MAGI2: variants seen among roughly 807,000 people sequenced by gnomAD.
The protein encoded by MAGI2 is membrane associated guanylate kinase, WW and PDZ domain containing 2, also known as membrane-associated guanylate kinase, WW and PDZ domain-containing protein 2.
Under a neutral mutation model 133.3 loss-of-function variants are expected in MAGI2, and 35 were observed. The observed-to-expected ratio is 0.26, with a 90% CI of 0.20 to 0.35. MAGI2 has a LOEUF of 0.35. MAGI2 is among the 10% of genes least tolerant of loss of function. The pLI, the probability that MAGI2 is intolerant of heterozygous loss-of-function variation, is 1.00. For missense variants in MAGI2, 1,636 were observed against 1,863.4 expected, an observed-to-expected ratio of 0.88 and a Z score of 2.25; for synonymous variants, 729 against 710.6, an observed-to-expected ratio of 1.03 and a Z score of -0.41.
intron 1 of MAGI2, among the ~76,000 whole-genome samples, chr7:79,447,668 C>G (rs981581564): frequency 4.0e-5 from 6 of 151,558 alleles, no homozygotes; most frequent in African/African-American, 7.3e-5. Context: ...TTTAATAGTA[C>G]TATAGTACGT....
At chr7:78,889,436 G>C (rs1433536296) in intron 2 of MAGI2, among the ~76,000 whole-genome samples, 4 of 152,118 alleles carry the variant, frequency 2.6e-5, no homozygotes, top group African/African-American at 4.8e-5. Flanking sequence ...GTCAGATTCA[G>C]CAAAGTTGAA....
intron 5 of MAGI2, 98 bp from the exon 6 acceptor site, chr7:78,489,938 A>C: frequency 1.2e-6 from 1 of 826,050 alleles, no homozygotes. Context: ...ACAAAATTGC[A>C]ATCGATACAC....
chr7:79,228,134 A>T (rs374567211), intron 1 of MAGI2, among the ~76,000 whole-genome samples: 1 of 151,940 alleles, frequency 6.6e-6, no homozygotes, highest in Middle Eastern at 3.2e-3. Context: ...ACTTGAGGCC[A>T]GGAGTTCAAG....
At chr7:78,093,136 CAAAAAAAA>C (rs1157039018) in intron 20 of MAGI2, among the ~76,000 whole-genome samples, 3 of 32,322 alleles carry the variant, frequency 9.3e-5, no homozygotes, top group South Asian at 1.7e-3. Flanking sequence ...ACTCCTTCTC[CAAAAAAAA>C]AAAAAAAAAA....
At position 78,336,272 on chromosome 7, in the gene MAGI2, G is replaced by C. The variant is rs141246913; in HGVS notation, c.1408+7506C>G. Among the ~76,000 whole-genome samples the C allele has an allele frequency of 1.2e-4, 18 of 152,264 alleles. 1 individual carries two copies. The East Asian group carries it at 3.3e-3, about 28-fold the overall frequency. On this transcript the variant is annotated intron_variant, in intron 9 of 21. Coordinates refer to ENST00000354212, the MANE Select transcript of MAGI2 (RefSeq NM_012301.4). ...CTAGAAACCTGGAATCAGTAGGTCT[G>C]GGGGCACAGGAAACTGTATTTTTAA... is the stretch of plus-strand genomic sequence containing the variant.
intron 21 of MAGI2, among the ~76,000 whole-genome samples, chr7:78,028,661 C>T (rs1809214695): frequency 6.6e-6 from 1 of 152,018 alleles, no homozygotes; most frequent in Non-Finnish European, 1.5e-5. Flanking sequence ...TCGAGACCAG[C>T]CTGGCCAAGA....
intron 1 of MAGI2, among the ~76,000 whole-genome samples, chr7:79,067,776 T>A (rs1044800604): frequency 6.6e-6 from 1 of 152,168 alleles, no homozygotes; most frequent in African/African-American, 2.4e-5. Context: ...TGAGATACAT[T>A]CCATCAATAC....
At chr7:78,108,946 T>C (rs1361189967) in intron 20 of MAGI2, among the ~76,000 whole-genome samples, 1 of 151,680 alleles carries the variant, frequency 6.6e-6, no homozygotes, top group Non-Finnish European at 1.5e-5. Flanking sequence ...TTGGTATAAA[T>C]TGGAGGAATA....
chr7:78,670,405 T>C (rs1181992722), intron 2 of MAGI2, among the ~76,000 whole-genome samples: 3 of 152,026 alleles, frequency 2.0e-5, no homozygotes, highest in Non-Finnish European at 2.9e-5. Context: ...CAAACCACTG[T>C]GCAATGAAAT....
At position 78,784,203 on chromosome 7, in the gene MAGI2, G is replaced by GTTT. The variant is rs36109639; in HGVS notation, c.419-156967_419-156965dup. 1.5e-3 allele frequency among the ~76,000 whole-genome samples: 222 copies of GTTT among 147,324 alleles called. 2 individuals carry two copies. The highest frequency in any genetic ancestry group is 0.01 in the East Asian group (52 of 5,020). Reference sequence around the variant, plus strand: ...GTGTAAACCATGTCAAATGTTTTAGGTTTTTTTTTTTTTCTTACTAATGTT... The same window carrying GTTT: ...GTGTAAACCATGTCAAATGTTTTAGGTTTTTTTTTTTTTTTTCTTACTAATGTT... On this transcript the variant is annotated intron_variant, in intron 2 of 21. Coordinates refer to ENST00000354212, the MANE Select transcript of MAGI2 (RefSeq NM_012301.4).
At chr7:79,158,448 T>C (rs988350154) in intron 1 of MAGI2, among the ~76,000 whole-genome samples, 2 of 152,110 alleles carry the variant, frequency 1.3e-5, no homozygotes, top group African/African-American at 4.8e-5. Flanking sequence ...AAGTTATTGG[T>C]AAAATGATAT....
intron 20 of MAGI2, among the ~76,000 whole-genome samples, chr7:78,083,387 G>GGAGAGAGAGAGAGAGAGAGA (rs747230358): frequency 2.0e-3 from 68 of 33,300 alleles, no homozygotes; most frequent in South Asian, 3.8e-3. Flanking sequence ...AGGGAGGGGG[G>GGAGAGAGAGAGAGAGAGAGA]GAGAGAGAGA....
intron 1 of MAGI2, among the ~76,000 whole-genome samples, chr7:79,333,275 G>A (rs1038745398): frequency 6.6e-5 from 10 of 151,950 alleles, no homozygotes; most frequent in East Asian, 1.9e-4. Context: ...TTACAGGCAC[G>A]TGCCACCATG....
rs547408977 is a variant in MAGI2 at position 78,744,212 on chromosome 7, G to T, written c.419-116973C>A. ...CGTCATAGAATTTCTTTATGAATGAGTCAAATTTTTTCCACGCTAATTTTA... is the reference window on the plus strand; with the variant it reads ...CGTCATAGAATTTCTTTATGAATGATTCAAATTTTTTCCACGCTAATTTTA... On this transcript the variant is annotated intron_variant, in intron 2 of 21. Transcript: ENST00000354212. Among the ~76,000 whole-genome samples the T allele has an allele frequency of 2.2e-3, 341 of 152,110 alleles. 2 individuals are homozygous for T. Among genetic ancestry groups the T allele is most frequent in the Non-Finnish European group, 4.0e-3 (273 of 67,984 alleles).
At chr7:78,368,261 A>G (rs904273890) in intron 7 of MAGI2, among the ~76,000 whole-genome samples, 3 of 152,218 alleles carry the variant, frequency 2.0e-5, no homozygotes, top group Admixed American at 2.0e-4. Flanking sequence ...TACAAAAACA[A>G]TTTAGCACTA....
In MAGI2 at chr7:78,017,845, C is replaced by T. The variant is rs1807917252; in HGVS notation, c.*1470G>A. ...ATCGCCCCTTTTACTTTTTAGACTA[C>T]AAGTGCAGGGAGGTGGAGCTTATTT... is the stretch of plus-strand genomic sequence containing the variant. On this transcript the variant is annotated 3_prime_UTR_variant, in exon 22 of 22. Transcript: ENST00000354212. The T allele has an allele frequency of 6.6e-6, 1 of 152,276 alleles. No individual in the cohort carries two copies. Among genetic ancestry groups the T allele is most frequent in the Non-Finnish European group, 1.5e-5 (1 of 68,074 alleles). 9.4% of individuals were successfully genotyped at this position (152,276 alleles called of 1,614,324 possible). A position where few individuals can be genotyped will look rare whatever the true frequency, so the allele number is the denominator to read the frequency against.
At chr7:79,435,466 C>T (rs1022156529) in intron 1 of MAGI2, among the ~76,000 whole-genome samples, 59 of 152,094 alleles carry the variant, frequency 3.9e-4, no homozygotes, top group Admixed American at 3.0e-3. Context: ...GAATCTGGAT[C>T]TAATTTTTAT....
intron 21 of MAGI2, among the ~76,000 whole-genome samples, chr7:78,050,043 A>C (rs1209662355): frequency 6.6e-6 from 1 of 152,248 alleles, no homozygotes; most frequent in Non-Finnish European, 1.5e-5. Flanking sequence ...ATTGGGACTG[A>C]TAATGAGAGC....
At chr7:78,170,877 A>C (rs967706522) in intron 14 of MAGI2, 2 of 152,160 alleles carry the variant, frequency 1.3e-5, no homozygotes, top group African/African-American at 4.8e-5. Context: ...GTTTCAAAAA[A>C]AGGTTGCCAT....
Sources: allele counts gnomAD v4.1 joint callset (sites outside exome capture counted in the v4.1 genomes callset), GRCh38; gene constraint gnomAD v4.1.1; transcripts MANE v1.5; gene names NCBI Gene and HGNC (gene_info 2026-07-23, HGNC 2026-07-21).